The following FNDC3B variants were observed in gnomAD, a reference collection of about 807,000 sequenced individuals.
The protein encoded by FNDC3B is fibronectin type III domain containing 3B, also known as fibronectin type III domain-containing protein 3B.
FNDC3B carries 12 observed loss-of-function variants against 151.5 expected under a neutral mutation model. The ratio of observed to expected loss-of-function variants is 0.08; its 90% CI spans 0.05 to 0.13. The LOEUF is 0.13. Ranked by LOEUF, FNDC3B falls within the 10% of genes least tolerant of loss-of-function variation. The pLI, the probability that FNDC3B is intolerant of heterozygous loss-of-function variation, is 1.00. For synonymous variants in FNDC3B, 528 were observed against 549.0 expected (o/e 0.96, Z 0.54); for missense variants, 1,214 against 1,505.3 (o/e 0.81, Z 3.20).
At chr3:172,190,960 T>C (rs1724480722) in intron 3 of FNDC3B, among the ~76,000 whole-genome samples, 2 of 152,214 alleles carry the variant, frequency 1.3e-5, no homozygotes. Flanking sequence ...TGAGCCACCA[T>C]GCCCAGCCCC....
At chr3:172,248,588 T>C (rs898428235) in intron 5 of FNDC3B, among the ~76,000 whole-genome samples, 10 of 151,938 alleles carry the variant, frequency 6.6e-5, no homozygotes, top group African/African-American at 2.4e-4. Context: ...ATTTTACTGC[T>C]TCAGACATTT....
chr3:172,356,639 G>C (rs989901025), intron 22 of FNDC3B, among the ~76,000 whole-genome samples: 3 of 152,136 alleles, frequency 2.0e-5, no homozygotes, highest in Admixed American at 2.0e-4. Context: ...TTGGTGGGAG[G>C]CCAGTTCCGA....
chr3:172,181,116 C>T (rs924327858), intron 3 of FNDC3B, among the ~76,000 whole-genome samples: 7 of 13,588 alleles, frequency 5.2e-4, no homozygotes, highest in South Asian at 1.9e-3. Flanking sequence ...AAGATGACAG[C>T]CTGGTGTGGT....
chr3:172,367,191 G>A lies in FNDC3B; in HGVS notation c.3008+4346G>A, dbSNP rs1734672308. Among the ~76,000 whole-genome samples the A allele has an allele frequency of 2.0e-5, 3 of 152,138 alleles. No homozygotes were observed. The South Asian group carries it at 6.2e-4, about 32-fold the overall frequency. On this transcript the variant is annotated intron_variant, in intron 23 of 25. Coordinates refer to ENST00000415807, the MANE Select transcript of FNDC3B (RefSeq NM_022763.4). ...TATAAGTGGAAGCCACATATATAAG[G>A]CAGGAAGCAAGCCTTAAAGTAGTGC... is the stretch of plus-strand genomic sequence containing the variant.
At chr3:172,337,491 CATT>C in intron 16 of FNDC3B, 90 bp downstream of exon 16, 5 of 834,590 alleles carry the variant, frequency 6.0e-6, no homozygotes, top group Admixed American at 2.0e-5. Context: ...AGTGAGTAAT[CATT>C]AATTCTAAAG....
At chr3:172,195,720 C>T (rs1423434632) in intron 3 of FNDC3B, among the ~76,000 whole-genome samples, 1 of 152,158 alleles carries the variant, frequency 6.6e-6, no homozygotes, top group Non-Finnish European at 1.5e-5. Flanking sequence ...TGTAGCAGTA[C>T]AGGTTAAGTC....
At chr3:172,062,407 G>A (rs1437014400) in intron 1 of FNDC3B, among the ~76,000 whole-genome samples, 3 of 151,722 alleles carry the variant, frequency 2.0e-5, no homozygotes, top group African/African-American at 7.3e-5. Flanking sequence ...CGCCTCGCAG[G>A]TTCAAGTGAT....
chr3:172,202,296 A>G (rs1483152700), intron 3 of FNDC3B, among the ~76,000 whole-genome samples: 1 of 152,172 alleles, frequency 6.6e-6, no homozygotes. Flanking sequence ...TCATTGAAAA[A>G]CACAGAAATC....
At chr3:172,349,800 C>T (rs1055201347) in intron 21 of FNDC3B, among the ~76,000 whole-genome samples, 2 of 152,120 alleles carry the variant, frequency 1.3e-5, no homozygotes, top group African/African-American at 2.4e-5. Context: ...GGATTACAGG[C>T]GCCTGCCACC....
chr3:172,378,767 A>C (rs1735284058), intron 24 of FNDC3B, among the ~76,000 whole-genome samples: 1 of 152,160 alleles, frequency 6.6e-6, no homozygotes, highest in Non-Finnish European at 1.5e-5. Context: ...AGAGAAGCAG[A>C]GGTTGGCATT....
At chr3:172,323,146 G>A (rs966055429) in intron 11 of FNDC3B, among the ~76,000 whole-genome samples, 2 of 151,894 alleles carry the variant, frequency 1.3e-5, no homozygotes, top group African/African-American at 4.8e-5. Flanking sequence ...AGGTAGTAAG[G>A]GGGTAAAAGA....
chr3:172,292,401 A>G (rs1177145796), intron 7 of FNDC3B, among the ~76,000 whole-genome samples: 1 of 152,248 alleles, frequency 6.6e-6, no homozygotes, highest in Non-Finnish European at 1.5e-5. Flanking sequence ...ACTCTAGGGA[A>G]AAAGTGAATG....
intron 23 of FNDC3B, among the ~76,000 whole-genome samples, chr3:172,372,597 C>G (rs1274980162): frequency 1.3e-5 from 2 of 152,194 alleles, no homozygotes; most frequent in African/African-American, 2.4e-5. Context: ...AACTAAATGT[C>G]TGGCATAGGC....
intron 1 of FNDC3B, among the ~76,000 whole-genome samples, chr3:172,059,092 C>T (rs1717056796): frequency 6.6e-6 from 1 of 152,100 alleles, no homozygotes; most frequent in South Asian, 2.1e-4. Flanking sequence ...TTATTTGTCA[C>T]TATTAATGCT....
chr3:172,147,492 A>G (rs941530722), intron 3 of FNDC3B, among the ~76,000 whole-genome samples: 4 of 151,792 alleles, frequency 2.6e-5, no homozygotes, highest in African/African-American at 9.7e-5. Flanking sequence ...CCTAGGAATC[A>G]TTTTGTTGCT....
At chr3:172,239,866 TTTTTTTTTTTTTTTTTTTTTG>T (rs1727400474) in intron 4 of FNDC3B, among the ~76,000 whole-genome samples, 1 of 69,478 alleles carries the variant, frequency 1.4e-5, no homozygotes, top group African/African-American at 1.1e-4. Flanking sequence ...CTTTTTTTTT[TTTTTTTTTTTTTTTTTTTTTG>T]GGATGGAGTC....
chr3:172,166,236 C>T (rs1270149599), intron 3 of FNDC3B, among the ~76,000 whole-genome samples: 1 of 152,118 alleles, frequency 6.6e-6, no homozygotes, highest in Non-Finnish European at 1.5e-5. Context: ...TTGACTTTTC[C>T]CAGTATATAT....
At chr3:172,250,844 T>G (rs1196810799) in intron 5 of FNDC3B, among the ~76,000 whole-genome samples, 1 of 152,132 alleles carries the variant, frequency 6.6e-6, no homozygotes, top group Non-Finnish European at 1.5e-5. Flanking sequence ...TGAGACAGAG[T>G]CTTGCTCTGT....
intron 3 of FNDC3B, among the ~76,000 whole-genome samples, chr3:172,170,591 G>C (rs1174241753): frequency 6.6e-6 from 1 of 152,204 alleles, no homozygotes; most frequent in Non-Finnish European, 1.5e-5. Context: ...CCTCCTAGCT[G>C]TTCCAGTAGC....
Sources: allele counts gnomAD v4.1 joint callset (sites outside exome capture counted in the v4.1 genomes callset), GRCh38; gene constraint gnomAD v4.1.1; transcripts MANE v1.5; gene names NCBI Gene and HGNC (gene_info 2026-07-23, HGNC 2026-07-21).